The following RAD51B variants were observed in gnomAD, a reference collection of about 807,000 sequenced individuals.
RAD51B encodes the protein RAD51 paralog B.
RAD51B carries 38 observed loss-of-function variants against 42.2 expected under a neutral mutation model. The observed-to-expected ratio is 0.90, with a 90% CI of 0.70 to 1.18. RAD51B has a LOEUF of 1.18. Ranked by LOEUF, RAD51B falls within the 50% of genes most tolerant of loss-of-function variation. RAD51B has a pLI of 0.00. For synonymous variants in RAD51B, 154 were observed against 145.2 expected, an observed-to-expected ratio of 1.06 and a Z score of -0.43; for missense variants, 373 against 400.7, an observed-to-expected ratio of 0.93 and a Z score of 0.59.
At chr14:68,015,005 A>G (rs1216805313) in intron 7 of RAD51B, among the ~76,000 whole-genome samples, 1 of 152,176 alleles carries the variant, frequency 6.6e-6, no homozygotes, top group African/African-American at 2.4e-5. Flanking sequence ...CAGGAGCTCC[A>G]GAGTTAGGCT....
At chr14:68,111,592 C>G (rs939790238) in intron 7 of RAD51B, among the ~76,000 whole-genome samples, 1 of 152,040 alleles carries the variant, frequency 6.6e-6, no homozygotes, top group African/African-American at 2.4e-5. Context: ...AAATACAACA[C>G]AACCCCACTA....
chr14:67,934,453 C>A (rs1240323407), intron 7 of RAD51B, among the ~76,000 whole-genome samples: 1 of 151,996 alleles, frequency 6.6e-6, no homozygotes, highest in Non-Finnish European at 1.5e-5. Context: ...GCATTTGTTG[C>A]TTACCATTGT....
chr14:67,950,780 G>C (rs1204370792), intron 7 of RAD51B, among the ~76,000 whole-genome samples: 1 of 152,002 alleles, frequency 6.6e-6, no homozygotes, highest in Non-Finnish European at 1.5e-5. Context: ...TGAACATTTA[G>C]GGGCCATTTT....
At chr14:68,214,537 G>A (rs764289254) in intron 7 of RAD51B, among the ~76,000 whole-genome samples, 5 of 152,110 alleles carry the variant, frequency 3.3e-5, no homozygotes, top group East Asian at 1.9e-4. Flanking sequence ...GTTAAGACAC[G>A]CATAAATAAA....
chr14:68,470,444 T>A, intron 10 of RAD51B: 1 of 466,514 alleles, frequency 2.1e-6, no homozygotes, highest in South Asian at 1.6e-5. Flanking sequence ...AGGCCCCTCA[T>A]TTACTAGAAA....
chr14:67,838,370 C>T (rs972683096), intron 4 of RAD51B, among the ~76,000 whole-genome samples: 2 of 151,784 alleles, frequency 1.3e-5, no homozygotes, highest in African/African-American at 4.8e-5. Flanking sequence ...AAAATGTTAA[C>T]GGTGGGTGGA....
chr14:68,487,766 C>T (rs1356686320), intron 10 of RAD51B, among the ~76,000 whole-genome samples: 2 of 152,200 alleles, frequency 1.3e-5, no homozygotes, highest in African/African-American at 4.8e-5. Flanking sequence ...GACTGGGCCT[C>T]TCAAAGTGTT....
chr14:68,228,035 A>G (rs2080075992), intron 7 of RAD51B, among the ~76,000 whole-genome samples: 3 of 152,146 alleles, frequency 2.0e-5, no homozygotes. Flanking sequence ...ATAACCCTCT[A>G]AAGTAAGTTG....
downstream of RAD51B, among the ~76,000 whole-genome samples, chr14:68,614,512 C>T (rs964921012): frequency 1.3e-5 from 2 of 152,182 alleles, no homozygotes; most frequent in African/African-American, 4.8e-5. Context: ...GGCAGTCACT[C>T]CCCATTCCTC....
intron 10 of RAD51B, among the ~76,000 whole-genome samples, chr14:68,554,905 G>A (rs921763896): frequency 4.0e-5 from 6 of 150,300 alleles, no homozygotes; most frequent in Non-Finnish European, 7.4e-5. Flanking sequence ...CTGGAGTGCA[G>A]TGGCATAATC....
intron 7 of RAD51B, among the ~76,000 whole-genome samples, chr14:68,275,918 C>A (rs2081215961): frequency 6.6e-6 from 1 of 151,754 alleles, no homozygotes; most frequent in African/African-American, 2.4e-5. Context: ...GAACCAAGTT[C>A]AGTGGTAGGA....
chr14:68,187,626 A>G (rs918271187), intron 7 of RAD51B, among the ~76,000 whole-genome samples: 1 of 152,218 alleles, frequency 6.6e-6, no homozygotes, highest in Non-Finnish European at 1.5e-5. Flanking sequence ...GGAGGAAGGG[A>G]AAAAGTTCCC....
At chr14:68,113,871 T>G (rs2077498691) in intron 7 of RAD51B, 1 of 152,062 alleles carries the variant, frequency 6.6e-6, no homozygotes, top group South Asian at 2.1e-4. Flanking sequence ...CTGTATGAAT[T>G]TAGTAACGTA....
chr14:67,870,306 C>G (rs1439424902), intron 5 of RAD51B, among the ~76,000 whole-genome samples: 5 of 152,172 alleles, frequency 3.3e-5, no homozygotes, highest in Non-Finnish European at 7.3e-5. Context: ...ATAAAACAGA[C>G]TTTAAACCAA....
At chr14:68,342,777 C>T (rs1198068180) in intron 8 of RAD51B, among the ~76,000 whole-genome samples, 2 of 152,198 alleles carry the variant, frequency 1.3e-5, no homozygotes, top group African/African-American at 4.8e-5. Context: ...GCCTCTACAT[C>T]TTGTAAATTC....
At chr14:68,232,156 A>G (rs2080162077) in intron 7 of RAD51B, among the ~76,000 whole-genome samples, 1 of 152,176 alleles carries the variant, frequency 6.6e-6, no homozygotes, top group Admixed American at 6.5e-5. Context: ...CAAACAAAAG[A>G]CAACAACAGT....
intron 11 of RAD51B, among the ~76,000 whole-genome samples, chr14:68,676,689 GC>G (rs372788183): frequency 3.3e-5 from 5 of 152,364 alleles, no homozygotes; most frequent in African/African-American, 1.2e-4. Context: ...GGTGTGGCAA[GC>G]CCCCTGCTGA....
intron 10 of RAD51B, among the ~76,000 whole-genome samples, chr14:68,513,604 G>C (rs1242817328): frequency 1.3e-5 from 2 of 152,136 alleles, no homozygotes; most frequent in Non-Finnish European, 2.9e-5. Flanking sequence ...TATACTGTCT[G>C]GTCAGTTTCC....
intron 8 of RAD51B, among the ~76,000 whole-genome samples, chr14:68,402,288 C>A (rs1276132641): frequency 6.6e-6 from 1 of 152,190 alleles, no homozygotes; most frequent in Non-Finnish European, 1.5e-5. Context: ...TGCTAAAATT[C>A]TGCATTGAAT....
Sources: allele counts gnomAD v4.1 joint callset (sites outside exome capture counted in the v4.1 genomes callset), GRCh38; gene constraint gnomAD v4.1.1; transcripts MANE v1.5; gene names NCBI Gene and HGNC (gene_info 2026-07-23, HGNC 2026-07-21).